The following EFCAB7 variants were observed in gnomAD, a reference collection of about 807,000 sequenced individuals.
EFCAB7 encodes EF-hand calcium-binding domain-containing protein 7.
In EFCAB7, 66 loss-of-function variants were observed where a neutral mutation model predicts 77.1. The observed-to-expected ratio is 0.86, with a 90% confidence interval of 0.70 to 1.05. The LOEUF is 1.05. EFCAB7 is among the 50% of genes least tolerant of loss of function. The pLI, the probability that EFCAB7 is intolerant of heterozygous loss-of-function variation, is 0.00. For synonymous variants in EFCAB7, 225 were observed against 243.3 expected (o/e 0.92, Z 0.70); for missense variants, 638 against 730.5 (o/e 0.87, Z 1.46).
chr1:63,579,322 T>G, the EFCAB7 span, among the ~76,000 whole-genome samples: 1 of 152,378 alleles, frequency 6.6e-6, no homozygotes, highest in African/African-American at 2.4e-5. Flanking sequence ...TCATGCAGTA[T>G]GTAACCTTTT....
At chr1:63,535,171 A>G (rs1400589141) in intron 6 of EFCAB7, among the ~76,000 whole-genome samples, 4 of 152,080 alleles carry the variant, frequency 2.6e-5, no homozygotes, top group Non-Finnish European at 4.4e-5. Flanking sequence ...AGCCACTGTA[A>G]AGAGAGATAT....
In EFCAB7 at chr1:63,555,452, CA is replaced by C; in HGVS notation, c.1152del (p.Asp385MetfsTer30). ...CTGAGGAAAAAAATAAAACCAGTAA[CA>C]GATGAAGCCCAACTTGTATATAGAG... ...CRLRKKIKPV[T>X]DEAQLVYRDE... On this transcript the variant is annotated frameshift_variant, in exon 9 of 14. Coordinates refer to ENST00000371088, the MANE Select transcript of EFCAB7 (RefSeq NM_032437.4). LOFTEE classifies it high-confidence loss of function. 1 of 1,613,948 alleles carries C rather than the reference CA, an allele frequency of 6.2e-7. No individual in the cohort carries two copies. The highest frequency in any genetic ancestry group is 8.5e-7 in the Non-Finnish European group (1 of 1,179,924).
chr1:63,559,364 T>C (rs182903804), intron 10 of EFCAB7, among the ~76,000 whole-genome samples: 153 of 152,084 alleles, frequency 1.0e-3, no homozygotes, highest in African/African-American at 3.5e-3. Flanking sequence ...CCACAAGTTT[T>C]CCCTATTATT....
chr1:63,572,723 C>A, downstream of EFCAB7: 1 of 889,054 alleles, frequency 1.1e-6, no homozygotes, highest in Non-Finnish European at 1.4e-6. Flanking sequence ...AGTAGGAAAT[C>A]TTTTTCTTTT....
the EFCAB7 span, among the ~76,000 whole-genome samples, chr1:63,581,328 G>A: frequency 2.8e-5 from 4 of 144,906 alleles, no homozygotes; most frequent in African/African-American, 1.0e-4. Context: ...TAGCTACTCA[G>A]GAGGCTCATG....
chr1:63,553,292 A>G (rs184825483), intron 8 of EFCAB7, among the ~76,000 whole-genome samples: 1 of 152,312 alleles, frequency 6.6e-6, no homozygotes, highest in African/African-American at 2.4e-5. Flanking sequence ...AGCCAATTTC[A>G]AAGGTTATGC....
At chr1:63,556,183 T>C (rs1365979858) in intron 9 of EFCAB7, among the ~76,000 whole-genome samples, 2 of 152,146 alleles carry the variant, frequency 1.3e-5, no homozygotes, top group African/African-American at 4.8e-5. Flanking sequence ...GTTCAGGAGA[T>C]CTGTTGACAA....
At chr1:63,529,150 A>G (rs1040343937) in intron 2 of EFCAB7, 4 of 152,204 alleles carry the variant, frequency 2.6e-5, no homozygotes, top group African/African-American at 9.6e-5. Context: ...CTAGGGCAGC[A>G]TGGTAATCAG....
At chr1:63,541,311 AAT>A (rs1646826150) in intron 6 of EFCAB7, among the ~76,000 whole-genome samples, 1 of 152,202 alleles carries the variant, frequency 6.6e-6, no homozygotes. Context: ...ATAATGGTAA[AAT>A]TATTACATTA....
At chr1:63,560,492 GA>G (rs1317824056) in intron 10 of EFCAB7, among the ~76,000 whole-genome samples, 2 of 144,764 alleles carry the variant, frequency 1.4e-5, no homozygotes, top group East Asian at 4.0e-4. Context: ...AAAAAGTTAT[GA>G]ATAACTTTAA....
intron 11 of EFCAB7, among the ~76,000 whole-genome samples, chr1:63,564,585 T>C (rs1279628465): frequency 6.6e-6 from 1 of 152,160 alleles, no homozygotes; most frequent in Admixed American, 6.5e-5. Flanking sequence ...GGAAAAACAT[T>C]TGATGCTCAT....
chr1:63,552,350 CAT>C (rs933352555), intron 8 of EFCAB7, among the ~76,000 whole-genome samples: 1 of 152,156 alleles, frequency 6.6e-6, no homozygotes, highest in African/African-American at 2.4e-5. Flanking sequence ...CCTGATGCCT[CAT>C]GTGTGAACAT....
downstream of EFCAB7, among the ~76,000 whole-genome samples, chr1:63,575,173 T>C (rs956634855): frequency 6.6e-6 from 1 of 152,148 alleles, no homozygotes; most frequent in Non-Finnish European, 1.5e-5. Context: ...TAAAGTTTTA[T>C]AGTTCTAATA....
chr1:63,584,035 G>A, the EFCAB7 span, among the ~76,000 whole-genome samples: 1 of 151,962 alleles, frequency 6.6e-6, no homozygotes, highest in African/African-American at 2.4e-5. Flanking sequence ...AAGACAACAG[G>A]AGAGAGTTGA....
In EFCAB7 at chr1:63,570,980, TAAAG is replaced by T. The variant is rs779381792; in HGVS notation, c.1708-36_1708-33del. On this transcript the variant is annotated intron_variant, in intron 12 of 13. Transcript: ENST00000371088. The stretch of plus-strand genomic sequence containing the variant: ...GAGGCTTATATTTGTCTGTAATTAT[TAAAG>T]AAAGGAATAGCAGCTTATGAAATCT... 26 of 1,418,084 alleles carry T rather than the reference TAAAG, an allele frequency of 1.8e-5. No individual in the cohort carries two copies. The African/African-American group carries it at 2.2e-4, about 12-fold the overall frequency. The allele number at this position is 1,418,084 out of a possible 1,614,324, so 87.8% of individuals were successfully genotyped here.
intron 2 of EFCAB7, among the ~76,000 whole-genome samples, chr1:63,527,649 C>G (rs1338562961): frequency 6.6e-6 from 1 of 152,118 alleles, no homozygotes; most frequent in Non-Finnish European, 1.5e-5. Flanking sequence ...ATCATTAGAT[C>G]CAGCTAATTC....
At chr1:63,531,276 C>T (rs577513819) in intron 2 of EFCAB7, among the ~76,000 whole-genome samples, 5 of 151,974 alleles carry the variant, frequency 3.3e-5, no homozygotes, top group African/African-American at 9.6e-5. Flanking sequence ...AAGTGAGATA[C>T]GCTGTATTTG....
chr1:63,568,175 T>C (rs1389621075), intron 11 of EFCAB7, 135 bp from the exon 12 acceptor site: 1 of 662,176 alleles, frequency 1.5e-6, no homozygotes, highest in East Asian at 3.0e-5. Context: ...CAATTCATAG[T>C]ACTAAAATTT....
intron 7 of EFCAB7, among the ~76,000 whole-genome samples, chr1:63,551,322 G>A (rs1432001966): frequency 6.6e-6 from 1 of 152,248 alleles, no homozygotes; most frequent in African/African-American, 2.4e-5. Flanking sequence ...GCCGGGTGTG[G>A]TGGCTCACGC....
Sources: gnomAD v4.1 joint callset for allele counts (sites outside exome capture counted in the v4.1 genomes callset) on GRCh38, gnomAD v4.1.1 for gene constraint, MANE v1.5 for transcripts, NCBI Gene and HGNC (gene_info 2026-07-23, HGNC 2026-07-21) for gene names.